Variants in AGBL1 observed in about 807,000 individuals in gnomAD.
The protein encoded by AGBL1 is cytosolic carboxypeptidase 4.
AGBL1 carries 130 observed loss-of-function variants against 118.9 expected under a neutral mutation model. The ratio of observed to expected loss-of-function variants is 1.09; its 90% CI spans 0.95 to 1.26. The LOEUF (loss-of-function observed/expected upper bound fraction) is 1.26, where lower values mean the gene tolerates loss of function less well. AGBL1 is among the 50% of genes most tolerant of loss of function. AGBL1 has a pLI of 0.00. For missense variants in AGBL1, 1,584 were observed against 1,298.1 expected (o/e 1.22, Z -3.38); for synonymous variants, 555 against 478.9 (o/e 1.16, Z -2.08).
chr15:86,969,944 A>G (rs1008026045), intron 23 of AGBL1, among the ~76,000 whole-genome samples: 2 of 151,918 alleles, frequency 1.3e-5, no homozygotes, highest in African/African-American at 2.4e-5. Context: ...TCTGGATTTC[A>G]TGTTGAATTT....
At chr15:86,299,082 C>A (rs1806381804) in intron 17 of AGBL1, among the ~76,000 whole-genome samples, 2 of 152,126 alleles carry the variant, frequency 1.3e-5, no homozygotes, top group Non-Finnish European at 1.5e-5. Context: ...GAGTCGTCAC[C>A]AGATTTGCCA....
intron 22 of AGBL1, among the ~76,000 whole-genome samples, chr15:86,888,117 C>T (rs2079996984): frequency 1.3e-5 from 2 of 152,004 alleles, no homozygotes; most frequent in Non-Finnish European, 2.9e-5. Context: ...CGTTTGGGCC[C>T]ACAGAGATCA....
chr15:86,551,333 G>T (rs368576606), intron 20 of AGBL1, among the ~76,000 whole-genome samples: 1 of 152,046 alleles, frequency 6.6e-6, no homozygotes, highest in African/African-American at 2.4e-5. Flanking sequence ...TCAACAAAAT[G>T]ATCATTATTT....
chr15:86,397,505 G>C lies in AGBL1; in HGVS notation c.2514G>C (p.Lys838Asn). 1 of 1,612,772 alleles carries C rather than the reference G, an allele frequency of 6.2e-7. No homozygotes were observed. Among genetic ancestry groups the C allele is most frequent in the Non-Finnish European group, 8.5e-7 (1 of 1,179,336 alleles). Residue 838 changes from lysine (K) to asparagine (N), a missense_variant, in exon 18 of 23, where the codon AAG becomes AAC. Coordinates refer to ENST00000614907, the MANE Select transcript of AGBL1 (RefSeq NM_001386094.1). ...ARLLRENFIFKIIPMLNPDGV... is the reference protein window; with the variant it reads ...ARLLRENFIFNIIPMLNPDGV... ...TCTTGAGGGAAAACTTCATCTTCAA[G>C]ATCATACCCATGCTCAACCCAGATG...
chr15:86,983,065 TTTTG>T (rs2081247644), intron 23 of AGBL1, among the ~76,000 whole-genome samples: 1 of 151,954 alleles, frequency 6.6e-6, no homozygotes, highest in South Asian at 2.1e-4. Context: ...CCTTTTTTTG[TTTTG>T]TTTTTGTTTT....
intron 22 of AGBL1, among the ~76,000 whole-genome samples, chr15:86,849,162 T>C (rs190684828): frequency 3.9e-5 from 6 of 152,310 alleles, no homozygotes; most frequent in Admixed American, 3.3e-4. Flanking sequence ...CTGAAGGAGA[T>C]TGAGAAAAGA....
At chr15:86,294,788 G>T (rs1453422670) in intron 16 of AGBL1, among the ~76,000 whole-genome samples, 1 of 152,016 alleles carries the variant, frequency 6.6e-6, no homozygotes, top group African/African-American at 2.4e-5. Flanking sequence ...ATGGGTACGC[G>T]TGAAGTTTTC....
chr15:86,458,195 T>A (rs1352015438), intron 18 of AGBL1, among the ~76,000 whole-genome samples: 1 of 152,170 alleles, frequency 6.6e-6, no homozygotes, highest in Admixed American at 6.6e-5. Context: ...AAGCCTGTTT[T>A]TCCAATATTT....
chr15:86,882,011 G>A (rs2079899425), intron 22 of AGBL1, among the ~76,000 whole-genome samples: 1 of 152,088 alleles, frequency 6.6e-6, no homozygotes, highest in African/African-American at 2.4e-5. Flanking sequence ...GATTTGGTGG[G>A]GACACAAATG....
intron 18 of AGBL1, among the ~76,000 whole-genome samples, chr15:86,453,975 C>G (rs1259698552): frequency 6.6e-6 from 1 of 152,122 alleles, no homozygotes; most frequent in Non-Finnish European, 1.5e-5. Flanking sequence ...CATAATTTGC[C>G]TTTTTAAGGA....
At chr15:86,859,491 A>G (rs74027140) in intron 22 of AGBL1, among the ~76,000 whole-genome samples, 4,914 of 152,208 alleles carry the variant, frequency 0.032, 248 homozygotes, top group African/African-American at 0.11. Flanking sequence ...CCTTAAATCT[A>G]TCTCCCATGA....
At chr15:86,899,814 T>A (rs1222369706) in intron 22 of AGBL1, among the ~76,000 whole-genome samples, 2 of 152,146 alleles carry the variant, frequency 1.3e-5, no homozygotes, top group Admixed American at 1.3e-4. Flanking sequence ...TTAACTTGAT[T>A]GGATTGAAGG....
Position 86,516,388 on chromosome 15 carries a change from C to T in AGBL1, c.2556-6422C>T, listed in dbSNP as rs1201116690. Among the ~76,000 whole-genome samples the T allele has an allele frequency of 4.6e-5, 7 of 152,132 alleles. No individual in the cohort carries two copies. The South Asian group carries it at 8.3e-4, about 18-fold the overall frequency. On this transcript the variant is annotated intron_variant, in intron 18 of 22. Transcript: ENST00000614907. Reference sequence around the variant, plus strand: ...ATCTTGAGGTCTCGAGATATATTTTCCTTTCAGTCTGGTGACGTAACTTTA... The same window carrying T: ...ATCTTGAGGTCTCGAGATATATTTTTCTTTCAGTCTGGTGACGTAACTTTA...
chr15:86,118,473 C>CA (rs55759602), intron 1 of AGBL1, among the ~76,000 whole-genome samples: 7,555 of 145,310 alleles, frequency 0.052, 500 homozygotes, highest in African/African-American at 0.16. Context: ...AATTACACTT[C>CA]AAAAAAAAAA....
intron 18 of AGBL1, among the ~76,000 whole-genome samples, chr15:86,496,349 T>C (rs1412655172): frequency 1.3e-5 from 2 of 152,032 alleles, no homozygotes; most frequent in Admixed American, 1.3e-4. Flanking sequence ...TTAAACCTCT[T>C]TTGTTTGTAA....
intron 5 of AGBL1, among the ~76,000 whole-genome samples, chr15:86,177,217 T>C (rs2077493557): frequency 6.6e-6 from 1 of 152,202 alleles, no homozygotes; most frequent in Non-Finnish European, 1.5e-5. Flanking sequence ...GGTAATTCCG[T>C]AATAGTAAAG....
At position 86,079,999 on chromosome 15, in the gene AGBL1, A is replaced by T; in HGVS notation, c.27A>T (p.Leu9=). The T allele has an allele frequency of 8.1e-7, 1 of 1,232,212 alleles. No individual in the cohort carries two copies. Among genetic ancestry groups the T allele is most frequent in the Non-Finnish European group, 1.0e-6 (1 of 988,018 alleles). The allele number at this position is 1,232,212 out of a possible 1,614,324, so 76.3% of individuals were successfully genotyped here. A position where few individuals can be genotyped will look rare whatever the true frequency, so the allele number is the denominator to read the frequency against. MAEQEASG[L]QVLLHTLQSS... ...TGGCCGAACAAGAAGCTAGTGGGCT[A>T]CAGGTCCTGCTGCACACGCTTCAGG... Residue 9 remains leucine, a synonymous_variant, in exon 1 of 23, where the codon CTA becomes CTT. Coordinates refer to ENST00000614907, the MANE Select transcript of AGBL1 (RefSeq NM_001386094.1).
intron 22 of AGBL1, among the ~76,000 whole-genome samples, chr15:86,854,971 C>A (rs184930665): frequency 2.6e-5 from 4 of 152,270 alleles, no homozygotes; most frequent in East Asian, 1.9e-4. Context: ...TACACCCCCC[C>A]ACTGGTCCTA....
At chr15:86,666,686 T>C (rs1049697817) in intron 21 of AGBL1, among the ~76,000 whole-genome samples, 3 of 152,212 alleles carry the variant, frequency 2.0e-5, no homozygotes, top group African/African-American at 7.2e-5. Flanking sequence ...TAATAATAAG[T>C]ACTTACATAA....
Sources: allele counts gnomAD v4.1 joint callset (sites outside exome capture counted in the v4.1 genomes callset), GRCh38; gene constraint gnomAD v4.1.1; transcripts MANE v1.5; gene names NCBI Gene and HGNC (gene_info 2026-07-23, HGNC 2026-07-21).